The following SHC3 variants were observed in gnomAD, a reference collection of about 807,000 sequenced individuals.
SHC3 encodes SHC adaptor protein 3, also known as SHC-transforming protein 3.
A neutral mutation model predicts 60.4 loss-of-function variants in SHC3; 15 were observed. The observed-to-expected ratio is 0.25, with a 90% CI of 0.17 to 0.38. The LOEUF is 0.38. Among genes scored for constraint, SHC3 ranks in the 10% least tolerant of loss-of-function variants. The pLI is 1.00. For missense variants in SHC3, 677 were observed against 786.1 expected (o/e 0.86, Z 1.66); for synonymous variants, 294 against 325.9 (o/e 0.90, Z 1.05).
intron 1 of SHC3, among the ~76,000 whole-genome samples, chr9:89,131,833 C>G (rs1449548967): frequency 6.6e-6 from 1 of 152,254 alleles, no homozygotes; most frequent in East Asian, 1.9e-4. Context: ...GAAGCATTCC[C>G]TTTGAAAACT....
chr9:89,073,076 G>A (rs905925994), intron 4 of SHC3, among the ~76,000 whole-genome samples: 6 of 152,094 alleles, frequency 3.9e-5, no homozygotes, highest in Non-Finnish European at 5.9e-5. Context: ...TCCCTCTGGC[G>A]CAAAGGTAGA....
chr9:89,077,739 G>C lies in SHC3; in HGVS notation c.609+101C>G, dbSNP rs1484051672. 4.2e-6 allele frequency: 6 copies of C among 1,418,744 alleles called. No individual in the cohort carries two copies. In the East Asian group the frequency reaches 1.4e-4, roughly 33 times the overall value. 87.9% of individuals were successfully genotyped at this position (1,418,744 alleles called of 1,614,324 possible). On this transcript the variant is annotated intron_variant, in intron 3 of 11. Transcript: ENST00000375835. ...TAGAAGTAGCAAGCGCCGGGCCACA[G>C]AAAGAGGACAATGAATAATTCTGTG...
chr9:89,149,795 G>T (rs947622933), intron 1 of SHC3, among the ~76,000 whole-genome samples: 4 of 152,144 alleles, frequency 2.6e-5, no homozygotes, highest in African/African-American at 9.7e-5. Context: ...ATCAACTGGG[G>T]TCCAAAAATA....
At chr9:89,097,620 T>C (rs1825724318) in intron 2 of SHC3, among the ~76,000 whole-genome samples, 1 of 152,226 alleles carries the variant, frequency 6.6e-6, no homozygotes, top group African/African-American at 2.4e-5. Flanking sequence ...GTCATTCCCC[T>C]GGATTCCTGA....
chr9:89,174,259 T>G (rs1197867573), intron 1 of SHC3, among the ~76,000 whole-genome samples: 1 of 152,200 alleles, frequency 6.6e-6, no homozygotes, highest in Admixed American at 6.5e-5. Context: ...CCAAATATCA[T>G]TAGATGCACA....
chr9:89,047,905 C>T (rs750920326), intron 7 of SHC3, among the ~76,000 whole-genome samples: 4 of 152,068 alleles, frequency 2.6e-5, no homozygotes, highest in Non-Finnish European at 5.9e-5. Flanking sequence ...AAACATATGT[C>T]CATAAGGAAA....
In SHC3 at chr9:89,178,313, C is replaced by T. The variant is rs572484716; in HGVS notation, c.148G>A (p.Gly50Ser). 4.0e-5 allele frequency: 63 copies of T among 1,590,626 alleles called. No homozygotes were observed. The South Asian group carries it at 4.3e-4, about 11-fold the overall frequency. ...TCGGGCGCCTTGCGCAGCGCCTCGC[C>T]GGACACCAAGTAGGGAGCCGCCGCC... ...TPAAAPYLVS[G>S]EALRKAPDDG... The change falls in exon 1 of 12, where the codon GGC becomes AGC. Residue 50 changes from glycine (G) to serine (S), a missense_variant. Physicochemically the swap from Gly to Ser is moderately conservative, Grantham distance 56. Coordinates refer to ENST00000375835, the MANE Select transcript of SHC3 (RefSeq NM_016848.6). The surrounding 1 kb of genome is among the most constrained non-coding windows in gnomAD (Gnocchi z 6.9).
Position 89,011,518 on chromosome 9 carries a change from C to T in SHC3, c.*1929G>A, listed in dbSNP as rs1330933885. 2 of 152,208 alleles carry T rather than the reference C, an allele frequency of 1.3e-5. No individual in the cohort carries two copies. Among genetic ancestry groups the T allele is most frequent in the East Asian group, 3.8e-4 (2 of 5,196 alleles). 9.4% of individuals were successfully genotyped at this position (152,208 alleles called of 1,614,324 possible). On this transcript the variant is annotated 3_prime_UTR_variant, in exon 12 of 12. Transcript: ENST00000375835. ...GTGGGTCAGAGCTGTGTGTGTCTCT[C>T]CAGGGCTCCCAGCCTCCCAGAGGAC...
chr9:89,165,013 T>C (rs1167717874), intron 1 of SHC3, among the ~76,000 whole-genome samples: 1 of 152,194 alleles, frequency 6.6e-6, no homozygotes, highest in African/African-American at 2.4e-5. Context: ...ATTTTATAAT[T>C]TGCGAGAAAT....
chr9:89,054,373 G>C (rs1339664541), intron 6 of SHC3, among the ~76,000 whole-genome samples: 3 of 152,214 alleles, frequency 2.0e-5, no homozygotes, highest in African/African-American at 7.2e-5. Context: ...TCAATGAATG[G>C]AGAAAACAAG....
chr9:89,039,609 C>A (rs1316321611), intron 10 of SHC3, among the ~76,000 whole-genome samples: 1 of 152,072 alleles, frequency 6.6e-6, no homozygotes, highest in Non-Finnish European at 1.5e-5. Context: ...ACCACCACCA[C>A]CATCAGCATC....
Position 89,129,686 on chromosome 9 carries a change from C to T in SHC3, c.475-17060G>A, listed in dbSNP as rs535951574. On this transcript the variant is annotated intron_variant, in intron 1 of 11. Coordinates refer to ENST00000375835, the MANE Select transcript of SHC3 (RefSeq NM_016848.6). ...TTCATAAGTGAAGGAGAAATAAAAC[C>T]CTTTACAGAAAAACAAATGCTGAGA... Among the ~76,000 whole-genome samples, 7 of 152,128 alleles carry T rather than the reference C, an allele frequency of 4.6e-5. No individual in the cohort carries two copies. The East Asian group carries it at 1.4e-3, about 29-fold the overall frequency.
rs1025923440 is a variant in SHC3, at chr9:89,008,722, T to C, written c.*4725A>G. On this transcript the variant is annotated 3_prime_UTR_variant, in exon 12 of 12. Transcript: ENST00000375835. ...TTTCATAAGTGATAGACTTGGTGAA[T>C]AAATACCCCAGCTGTCTCCCCGCCT... 6 of 152,098 alleles carry C rather than the reference T, an allele frequency of 3.9e-5. No individual in the cohort carries two copies. The highest frequency in any genetic ancestry group is 1.2e-4 in the African/African-American group (5 of 41,404). The allele number at this position is 152,098 out of a possible 1,614,324, so 9.4% of individuals were successfully genotyped here.
intron 2 of SHC3, among the ~76,000 whole-genome samples, chr9:89,087,600 T>A (rs1006833946): frequency 6.6e-6 from 1 of 152,252 alleles, no homozygotes; most frequent in Non-Finnish European, 1.5e-5. Context: ...CCTCCCTTGT[T>A]GACATTTTGT....
chr9:89,077,853 A>G lies in SHC3; in HGVS notation c.596T>C (p.Phe199Ser), dbSNP rs778162022. The change falls in exon 3 of 12, where the codon TTC becomes TCC. Residue 199 changes from phenylalanine to serine, a missense_variant. By Grantham distance (155) the Phe-to-Ser change is radical. Coordinates refer to ENST00000375835, the MANE Select transcript of SHC3 (RefSeq NM_016848.6). ...TGAGGACAGTACCTTTCTCTTCTTG[A>G]AGGCTCCCTTCGCACCAGGCACAGC... ...CEAVPGAKGAFKKRKPPSKML... is the reference protein window; with the variant it reads ...CEAVPGAKGASKKRKPPSKML... The G allele has an allele frequency of 6.2e-7, 1 of 1,614,234 alleles. No homozygotes were observed. The highest frequency in any genetic ancestry group is 1.7e-5 in the Admixed American group (1 of 60,034).
chr9:89,146,158 C>T (rs1826465029), intron 1 of SHC3, among the ~76,000 whole-genome samples: 1 of 151,858 alleles, frequency 6.6e-6, no homozygotes, highest in South Asian at 2.1e-4. Flanking sequence ...GAGTTCAAGA[C>T]CAGCCTGGTC....
chr9:89,109,208 T>A, intron 2 of SHC3: 1 of 924,016 alleles, frequency 1.1e-6, no homozygotes, highest in Non-Finnish European at 1.3e-6. Flanking sequence ...CATCCCCAAA[T>A]GAACTTGTGA....
At chr9:89,122,967 T>TCAAATCTGACTCCG (rs763992928) in intron 1 of SHC3, among the ~76,000 whole-genome samples, 1 of 152,228 alleles carries the variant, frequency 6.6e-6, no homozygotes, top group Non-Finnish European at 1.5e-5. Flanking sequence ...GAGGCAAGGC[T>TCAAATCTGACTCCG]CAAATCTGAC....
Position 89,125,320 on chromosome 9 carries a change from T to C in SHC3, c.475-12694A>G, listed in dbSNP as rs536194290. On this transcript the variant is annotated intron_variant, in intron 1 of 11. Transcript: ENST00000375835. Reference sequence around the variant, plus strand: ...AGTGTTGTGTTCAGGACAGATAAGTTCAAATCTTGGTTCTTTAATTGTTTA... The same window carrying C: ...AGTGTTGTGTTCAGGACAGATAAGTCCAAATCTTGGTTCTTTAATTGTTTA... 1.2e-4 allele frequency among the ~76,000 whole-genome samples: 18 copies of C among 152,274 alleles called. No individual in the cohort carries two copies. In the South Asian group the frequency reaches 3.7e-3, roughly 32 times the overall value.
Sources: gnomAD v4.1 joint callset for allele counts (sites outside exome capture counted in the v4.1 genomes callset) on GRCh38, gnomAD v4.1.1 for gene constraint, Gnocchi (gnomAD v3.1) non-coding constraint, MANE v1.5 for transcripts, NCBI Gene and HGNC (gene_info 2026-07-23, HGNC 2026-07-21) for gene names.